Variants in NPTN observed in about 807,000 individuals in gnomAD.
NPTN encodes the protein SDR-1.
Under a neutral mutation model 42.7 loss-of-function variants are expected in NPTN, and 5 were observed. That is an observed-to-expected ratio of 0.12 (90% confidence interval 0.06 to 0.25). NPTN has a LOEUF of 0.25. NPTN is among the 10% of genes least tolerant of loss of function. NPTN has a pLI of 1.00. For synonymous variants in NPTN, 180 were observed against 201.9 expected, an observed-to-expected ratio of 0.89 and a Z score of 0.92; for missense variants, 307 against 525.4, an observed-to-expected ratio of 0.58 and a Z score of 4.06.
chr15:73,561,538 G>C (rs1264360718), intron 8 of NPTN, among the ~76,000 whole-genome samples: 1 of 152,022 alleles, frequency 6.6e-6, no homozygotes, highest in African/African-American at 2.4e-5. Flanking sequence ...AATTTAGCTG[G>C]GCATGGTGGT....
At chr15:73,598,476 A>G (rs1286147194) in intron 1 of NPTN, among the ~76,000 whole-genome samples, 2 of 152,136 alleles carry the variant, frequency 1.3e-5, no homozygotes, top group Non-Finnish European at 2.9e-5. Flanking sequence ...AAGAGTTAAA[A>G]AAAAAAAAAA....
intron 1 of NPTN, 116 bp downstream of exon 1, chr15:73,633,009 G>A: frequency 1.4e-6 from 1 of 719,618 alleles, no homozygotes; most frequent in Non-Finnish European, 2.0e-6. Context: ...CAGCCCCTCA[G>A]ACGCCCACTC....
chr15:73,587,423 G>T (rs117374072), intron 4 of NPTN, 101 bp downstream of exon 4: 1 of 824,320 alleles, frequency 1.2e-6, no homozygotes. Context: ...ATTGTGTCTC[G>T]ACATGGAAAG....
chr15:73,608,583 A>G (rs2141446256), intron 1 of NPTN, among the ~76,000 whole-genome samples: 1 of 152,290 alleles, frequency 6.6e-6, no homozygotes. Flanking sequence ...TCAAGACCTC[A>G]CAATATAGGG....
At chr15:73,566,123 T>G (rs1894985249) in intron 6 of NPTN, among the ~76,000 whole-genome samples, 1 of 152,196 alleles carries the variant, frequency 6.6e-6, no homozygotes, top group Non-Finnish European at 1.5e-5. Flanking sequence ...CTATTGCATT[T>G]TCTCCATGAG....
Position 73,597,149 on chromosome 15 carries a change from G to C in NPTN, c.312C>G (p.Thr104=). The stretch of plus-strand genomic sequence containing the variant: ...TCCCAGAGTCCTCCAAGGTGAGCCG[G>C]GTTATTCTCAGCACACTCACGCCGT... The part of the protein sequence containing the change: ...GSNGVSVLRI[T]RLTLEDSGTY... Residue 104 remains threonine (T), a synonymous_variant, in exon 2 of 9, where the codon ACC becomes ACG. Coordinates refer to ENST00000345330, the MANE Select transcript of NPTN (RefSeq NM_012428.4). The surrounding 1 kb of genome is among the most constrained non-coding windows in gnomAD (Gnocchi z 6.3). The C allele has an allele frequency of 1.2e-6, 2 of 1,614,178 alleles. No individual in the cohort carries two copies. Among genetic ancestry groups the C allele is most frequent in the Non-Finnish European group, 1.7e-6 (2 of 1,180,038 alleles).
At chr15:73,565,334 G>A (rs1894924341) in intron 6 of NPTN, among the ~76,000 whole-genome samples, 1 of 152,204 alleles carries the variant, frequency 6.6e-6, no homozygotes, top group African/African-American at 2.4e-5. Flanking sequence ...CCCTAACAGG[G>A]AAGTCAGGGG....
chr15:73,585,089 A>G (rs1442539855), intron 4 of NPTN, among the ~76,000 whole-genome samples: 1 of 152,248 alleles, frequency 6.6e-6, no homozygotes, highest in Non-Finnish European at 1.5e-5. Flanking sequence ...TCTGAAAGAC[A>G]GGAAAAGGCA....
chr15:73,611,262 G>A (rs934231258), intron 1 of NPTN, among the ~76,000 whole-genome samples: 2 of 151,904 alleles, frequency 1.3e-5, no homozygotes, highest in South Asian at 4.2e-4. Context: ...AATTTATCAC[G>A]TATTCAACTC....
At chr15:73,603,138 T>C (rs762911958) in intron 1 of NPTN, among the ~76,000 whole-genome samples, 2 of 152,246 alleles carry the variant, frequency 1.3e-5, no homozygotes, top group African/African-American at 2.4e-5. Flanking sequence ...TTCATCTCCC[T>C]AATCTGTAAA....
intron 1 of NPTN, among the ~76,000 whole-genome samples, chr15:73,624,642 C>G (rs1898306088): frequency 6.6e-6 from 1 of 151,606 alleles, no homozygotes; most frequent in Non-Finnish European, 1.5e-5. Flanking sequence ...GGATCTTAAA[C>G]ATGAACGGCA....
At chr15:73,592,625 G>A (rs113825850) in intron 2 of NPTN, among the ~76,000 whole-genome samples, 2,325 of 152,152 alleles carry the variant, frequency 0.015, 18 homozygotes, top group East Asian at 0.027. Context: ...TTAAACCTAT[G>A]GCAAACCATA....
chr15:73,609,457 C>A (rs1365864460), intron 1 of NPTN, among the ~76,000 whole-genome samples: 1 of 152,046 alleles, frequency 6.6e-6, no homozygotes, highest in Non-Finnish European at 1.5e-5. Flanking sequence ...GGTGAAACCC[C>A]GTCTCTACTA....
At chr15:73,584,824 C>T (rs1312938600) in intron 4 of NPTN, among the ~76,000 whole-genome samples, 4 of 151,966 alleles carry the variant, frequency 2.6e-5, no homozygotes, top group South Asian at 4.2e-4. Context: ...ACAAGGCCTC[C>T]CCCACTACAT....
intron 6 of NPTN, among the ~76,000 whole-genome samples, chr15:73,564,331 T>C (rs1016582002): frequency 2.0e-5 from 3 of 152,164 alleles, no homozygotes; most frequent in African/African-American, 7.2e-5. Flanking sequence ...GAAGCAGTTA[T>C]GGAGATTACA....
rs772720670 is a variant in NPTN at position 73,563,298 on chromosome 15, G to A, written c.1115-41C>T. The A allele has an allele frequency of 3.7e-6, 6 of 1,609,046 alleles. No individual in the cohort carries two copies. The South Asian group carries it at 4.4e-5, about 12-fold the overall frequency. ...TTTTTTAAAAATCCATGAGAGATAA[G>A]AGAAGAAAGGAGAAAACTGTTAGAT... On this transcript the variant is annotated intron_variant, in intron 6 of 8. Transcript: ENST00000345330.
chr15:73,588,367 C>T (rs375883056), intron 3 of NPTN, among the ~76,000 whole-genome samples: 12 of 152,322 alleles, frequency 7.9e-5, no homozygotes, highest in African/African-American at 2.9e-4. Context: ...GTTCTTCCTA[C>T]CTTGTCTTTT....
intron 1 of NPTN, among the ~76,000 whole-genome samples, chr15:73,629,273 C>T (rs890087034): frequency 6.6e-6 from 1 of 152,190 alleles, no homozygotes; most frequent in Non-Finnish European, 1.5e-5. Flanking sequence ...TCAAGGCAAA[C>T]TATTTCTTCT....
chr15:73,563,873 G>GTA (rs1201352614), intron 6 of NPTN, among the ~76,000 whole-genome samples: 1 of 152,220 alleles, frequency 6.6e-6, no homozygotes, highest in Admixed American at 6.5e-5. Context: ...ACAAGTGTAT[G>GTA]TATACCAGAG....
Sources: gnomAD v4.1 joint callset for allele counts (sites outside exome capture counted in the v4.1 genomes callset) on GRCh38, gnomAD v4.1.1 for gene constraint, Gnocchi (gnomAD v3.1) non-coding constraint, MANE v1.5 for transcripts, NCBI Gene and HGNC (gene_info 2026-07-23, HGNC 2026-07-21) for gene names.